The following PPARGC1A variants were observed in gnomAD, a reference collection of about 807,000 sequenced individuals.
PPARGC1A encodes peroxisome proliferator-activated receptor gamma coactivator 1-alpha.
In PPARGC1A, 25 loss-of-function variants were observed where a neutral mutation model predicts 88.7. The ratio of observed to expected loss-of-function variants is 0.28; its 90% confidence interval spans 0.21 to 0.39. The LOEUF (loss-of-function observed/expected upper bound fraction) is 0.39. PPARGC1A is among the 10% of genes least tolerant of loss of function. The pLI, the probability that PPARGC1A is intolerant of heterozygous loss-of-function variation, is 1.00. For missense variants in PPARGC1A, 880 were observed against 968.7 expected (o/e 0.91, Z 1.22); for synonymous variants, 363 against 355.6 (o/e 1.02, Z -0.24).
the PPARGC1A span, among the ~76,000 whole-genome samples, chr4:24,366,069 C>A: frequency 6.6e-6 from 1 of 152,128 alleles, no homozygotes; most frequent in Non-Finnish European, 1.5e-5. Flanking sequence ...TGAAAACCAC[C>A]AGGCTTGAAC....
intron 2 of PPARGC1A, among the ~76,000 whole-genome samples, chr4:23,832,037 A>G (rs1045746773): frequency 6.6e-6 from 1 of 152,202 alleles, no homozygotes; most frequent in African/African-American, 2.4e-5. Context: ...TGGTTACAGA[A>G]GTGTTTTCCA....
At chr4:24,228,411 A>T in the PPARGC1A span, among the ~76,000 whole-genome samples, 1 of 152,314 alleles carries the variant, frequency 6.6e-6, no homozygotes, top group East Asian at 1.9e-4. Flanking sequence ...CAAATACCAG[A>T]TCTTCTCTCT....
At chr4:23,890,675 A>G (rs2148855588), upstream of PPARGC1A, among the ~76,000 whole-genome samples, 1 of 146,104 alleles carries the variant, frequency 6.8e-6, no homozygotes, top group Non-Finnish European at 1.5e-5. Context: ...GTATAAACAA[A>G]CTCCTCCACC....
At chr4:24,210,893 C>A in the PPARGC1A span, among the ~76,000 whole-genome samples, 1 of 152,228 alleles carries the variant, frequency 6.6e-6, no homozygotes, top group African/African-American at 2.4e-5. Context: ...GGGAGCTCAA[C>A]CCCAACCTAG....
intron 2 of PPARGC1A, among the ~76,000 whole-genome samples, chr4:23,849,382 C>A (rs1728872526): frequency 6.6e-6 from 1 of 152,206 alleles, no homozygotes; most frequent in East Asian, 1.9e-4. Flanking sequence ...TGAGCCATAT[C>A]ACAATCTTTA....
chr4:24,235,025 T>C, the PPARGC1A span, among the ~76,000 whole-genome samples: 27 of 152,180 alleles, frequency 1.8e-4, no homozygotes, highest in Admixed American at 1.6e-3. Flanking sequence ...TTTGGGAATA[T>C]TGTTTAAGGC....
At chr4:24,073,748 G>GT in the PPARGC1A span, among the ~76,000 whole-genome samples, 1 of 152,178 alleles carries the variant, frequency 6.6e-6, no homozygotes, top group African/African-American at 2.4e-5. Context: ...AAATTATCAT[G>GT]TTGTCACAGC....
the PPARGC1A span, among the ~76,000 whole-genome samples, chr4:23,981,267 A>T: frequency 1.3e-5 from 2 of 152,170 alleles, no homozygotes; most frequent in African/African-American, 4.8e-5. Context: ...CATTATCTTC[A>T]GTCAATACAC....
At chr4:24,087,401 G>A in the PPARGC1A span, among the ~76,000 whole-genome samples, 2 of 152,200 alleles carry the variant, frequency 1.3e-5, no homozygotes, top group African/African-American at 2.4e-5. Flanking sequence ...GACAGGCACA[G>A]ATAGACAGTA....
chr4:23,847,527 C>A (rs923948702), intron 2 of PPARGC1A, among the ~76,000 whole-genome samples: 2 of 152,196 alleles, frequency 1.3e-5, no homozygotes, highest in Admixed American at 6.5e-5. Context: ...TCAGATTGAA[C>A]ACCTTTAAAA....
chr4:24,288,594 T>C, the PPARGC1A span, among the ~76,000 whole-genome samples: 20 of 152,346 alleles, frequency 1.3e-4, no homozygotes, highest in East Asian at 2.9e-3. Context: ...TTTATGACAC[T>C]GTAATGATTA....
At chr4:24,241,437 T>C in the PPARGC1A span, among the ~76,000 whole-genome samples, 1 of 152,206 alleles carries the variant, frequency 6.6e-6, no homozygotes, top group Non-Finnish European at 1.5e-5. Context: ...TCCAAGCAAA[T>C]ATTCATCTGA....
chr4:23,814,632 A>C, intron 7 of PPARGC1A, 27 bp from the exon 8 acceptor site: 4 of 1,475,534 alleles, frequency 2.7e-6, no homozygotes, highest in Non-Finnish European at 3.6e-6. Flanking sequence ...AAAAAAAAAA[A>C]AAAAGAGAGA....
chr4:24,390,632 C>A, the PPARGC1A span, among the ~76,000 whole-genome samples: 1 of 151,998 alleles, frequency 6.6e-6, no homozygotes, highest in Admixed American at 6.6e-5. Flanking sequence ...CTTTCTCTCA[C>A]CACTGGGATA....
chr4:24,460,202 T>C, the PPARGC1A span, among the ~76,000 whole-genome samples: 1 of 152,228 alleles, frequency 6.6e-6, no homozygotes, highest in South Asian at 2.1e-4. Flanking sequence ...TTTAATATCA[T>C]TGTAAACAAG....
At chr4:23,917,514 G>A in the PPARGC1A span, among the ~76,000 whole-genome samples, 7 of 149,716 alleles carry the variant, frequency 4.7e-5, no homozygotes, top group Non-Finnish European at 8.9e-5. Context: ...TAGTAGAGAC[G>A]GGGTTTCACC....
In PPARGC1A at chr4:23,792,033, A is replaced by G. The variant is rs1454571403; in HGVS notation, c.*3789T>C. 1.3e-5 allele frequency: 2 copies of G among 152,646 alleles called. No individual in the cohort carries two copies. The highest frequency in any genetic ancestry group is 4.8e-5 in the African/African-American group (2 of 41,458). The allele number at this position is 152,646 out of a possible 1,614,324, so 9.5% of individuals were successfully genotyped here. A position where few individuals can be genotyped will look rare whatever the true frequency, so the allele number is the denominator to read the frequency against. On this transcript the variant is annotated 3_prime_UTR_variant, in exon 13 of 13. Coordinates refer to ENST00000264867, the MANE Select transcript of PPARGC1A (RefSeq NM_013261.5). ...AGAAAAGCAGAAGTAGATTTGAAAC[A>G]TTCGTTTCCCTTTATTAGCTCAGTG...
At chr4:24,467,800 C>T in the PPARGC1A span, among the ~76,000 whole-genome samples, 4 of 152,142 alleles carry the variant, frequency 2.6e-5, no homozygotes, top group African/African-American at 9.7e-5. Flanking sequence ...TAATTCAAAA[C>T]AGTCACTGCC....
the PPARGC1A span, among the ~76,000 whole-genome samples, chr4:23,952,169 T>C: frequency 6.6e-5 from 10 of 152,154 alleles, no homozygotes; most frequent in Admixed American, 6.6e-5. Context: ...CGTAGCCTCA[T>C]AGGAGTCTCT....
Sources: gnomAD v4.1 joint callset for allele counts (sites outside exome capture counted in the v4.1 genomes callset) on GRCh38, gnomAD v4.1.1 for gene constraint, MANE v1.5 for transcripts, NCBI Gene and HGNC (gene_info 2026-07-23, HGNC 2026-07-21) for gene names.